Variants in COL23A1 observed in about 807,000 individuals in gnomAD.
COL23A1 encodes collagen alpha-1(XXIII) chain.
A neutral mutation model predicts 99.3 loss-of-function variants in COL23A1; 97 were observed. That is an observed-to-expected ratio of 0.98 (90% CI 0.83 to 1.16). The LOEUF (loss-of-function observed/expected upper bound fraction) is 1.16, where lower values mean the gene tolerates loss of function less well. Ranked by LOEUF, COL23A1 falls within the 50% of genes most tolerant of loss-of-function variation. The pLI, the probability that COL23A1 is intolerant of heterozygous loss-of-function variation, is 0.00. For synonymous variants in COL23A1, 320 were observed against 308.2 expected, an observed-to-expected ratio of 1.04 and a Z score of -0.40; for missense variants, 762 against 757.4, an observed-to-expected ratio of 1.01 and a Z score of -0.07.
In COL23A1 at chr5:178,357,992, G is replaced by A. The variant is rs1420150101; in HGVS notation, c.362-51073C>T. On this transcript the variant is annotated intron_variant, in intron 2 of 28. Coordinates refer to ENST00000390654, the MANE Select transcript of COL23A1 (RefSeq NM_173465.4). ...TGTATGTGTATATATGTGTGTATGCGTGTGTGTATATGTATGTGTGTGTAT... is the reference window on the plus strand; with the variant it reads ...TGTATGTGTATATATGTGTGTATGCATGTGTGTATATGTATGTGTGTGTAT... Among the ~76,000 whole-genome samples the A allele has an allele frequency of 4.7e-5, 7 of 148,748 alleles. 1 individual carries two copies. Among genetic ancestry groups the A allele is most frequent in the Admixed American group, 2.7e-4 (4 of 15,022 alleles).
At chr5:178,372,196 G>A (rs529249239) in intron 2 of COL23A1, among the ~76,000 whole-genome samples, 103 of 152,360 alleles carry the variant, frequency 6.8e-4, no homozygotes, top group Admixed American at 1.4e-3. Context: ...CAGGGGGCTG[G>A]CAGACAGCGG....
At chr5:178,518,466 G>A (rs1191855954) in intron 2 of COL23A1, among the ~76,000 whole-genome samples, 7 of 150,566 alleles carry the variant, frequency 4.6e-5, no homozygotes, top group East Asian at 4.0e-4. Flanking sequence ...CTTCCCAGTA[G>A]GGGCGGCCGG....
chr5:178,325,077 C>A (rs1306141637), intron 2 of COL23A1, among the ~76,000 whole-genome samples: 1 of 152,220 alleles, frequency 6.6e-6, no homozygotes, highest in Non-Finnish European at 1.5e-5. Flanking sequence ...CTGAGTGACC[C>A]GCTCAAAGTC....
chr5:178,492,937 G>C lies in COL23A1; in HGVS notation c.361+67745C>G, dbSNP rs113037582. On this transcript the variant is annotated intron_variant, in intron 2 of 28. Transcript: ENST00000390654. ...GGTAATGACAGCACTTACCTCACAG[G>C]GTATGGAAAGGACTAAATGACTTCA... Among the ~76,000 whole-genome samples, 220 of 152,218 alleles carry C rather than the reference G, an allele frequency of 1.4e-3. 1 individual carries two copies. Among genetic ancestry groups the C allele is most frequent in the African/African-American group, 5.0e-3 (208 of 41,544 alleles).
chr5:178,504,502 C>T (rs1017254973), intron 2 of COL23A1, among the ~76,000 whole-genome samples: 1 of 152,138 alleles, frequency 6.6e-6, no homozygotes, highest in Non-Finnish European at 1.5e-5. Flanking sequence ...AGGGCTGCGT[C>T]CTAGCCAGAG....
chr5:178,283,405 G>A lies in COL23A1; in HGVS notation c.441+4919C>T, dbSNP rs114475299. Among the ~76,000 whole-genome samples the A allele has an allele frequency of 4.1e-3, 626 of 152,110 alleles. 5 individuals carry two copies. Among genetic ancestry groups the A allele is most frequent in the African/African-American group, 0.015 (602 of 41,496 alleles). Reference sequence around the variant, plus strand: ...CTGTGCACTTGCTTTTTCCTCTGCCGGGATCTCCCCCAAGATCTCTGCAGC... The same window carrying A: ...CTGTGCACTTGCTTTTTCCTCTGCCAGGATCTCCCCCAAGATCTCTGCAGC... On this transcript the variant is annotated intron_variant, in intron 5 of 28. Transcript: ENST00000390654.
At chr5:178,557,694 CTA>C (rs975939691) in intron 2 of COL23A1, among the ~76,000 whole-genome samples, 2 of 152,176 alleles carry the variant, frequency 1.3e-5, no homozygotes, top group Admixed American at 6.5e-5. Context: ...AGAATGTGGT[CTA>C]TGTCTCCACA....
chr5:178,537,453 C>A (rs17591066), intron 2 of COL23A1, among the ~76,000 whole-genome samples: 2,028 of 152,354 alleles, frequency 0.013, 20 homozygotes, highest in Non-Finnish European at 0.02. Context: ...GGTCATAGAA[C>A]TAGTACCGAG....
At chr5:178,298,871 TTTAAAATAAAGAAAAC>T (rs1757887900) in intron 3 of COL23A1, among the ~76,000 whole-genome samples, 1 of 152,240 alleles carries the variant, frequency 6.6e-6, no homozygotes, top group Non-Finnish European at 1.5e-5. Flanking sequence ...GAGTCAGTTT[TTTAAAATAAAGAAAAC>T]TTGTGGATTT....
chr5:178,292,893 T>C (rs1405377634), intron 3 of COL23A1, among the ~76,000 whole-genome samples: 2 of 152,048 alleles, frequency 1.3e-5, no homozygotes, highest in Non-Finnish European at 2.9e-5. Context: ...GGAAGCAAAG[T>C]AGAGAAAGTG....
At chr5:178,249,716 A>ACACACACACACTCACTCTCTCTCT in intron 18 of COL23A1, among the ~76,000 whole-genome samples, 127 of 92,790 alleles carry the variant, frequency 1.4e-3, no homozygotes, top group Middle Eastern at 9.8e-3. Flanking sequence ...ACACACACAC[A>ACACACACACACTCACTCTCTCTCT]CTCTCTCTCT....
chr5:178,424,917 C>T (rs1002630993), intron 2 of COL23A1, among the ~76,000 whole-genome samples: 1 of 152,156 alleles, frequency 6.6e-6, no homozygotes, highest in Non-Finnish European at 1.5e-5. Context: ...GGAGAAAACC[C>T]AAGAGGGGTC....
intron 2 of COL23A1, among the ~76,000 whole-genome samples, chr5:178,432,921 C>A (rs1043548738): frequency 1.3e-5 from 2 of 152,168 alleles, no homozygotes. Context: ...CTTCACCCAC[C>A]AACCAATTCT....
chr5:178,291,051 C>T (rs910785018), intron 3 of COL23A1, among the ~76,000 whole-genome samples: 2 of 152,230 alleles, frequency 1.3e-5, no homozygotes, highest in African/African-American at 2.4e-5. Context: ...CAGCTGATAA[C>T]GCAGAGGCTC....
Position 178,401,471 on chromosome 5 carries a change from ATGTGGTGTGTGTCAATAGTC to A in COL23A1, c.362-94572_362-94553del, listed in dbSNP as rs577034531. On this transcript the variant is annotated intron_variant, in intron 2 of 28. Transcript: ENST00000390654. ...GGCATAGCGCATTTGAGATCCACCC[ATGTGGTGTGTGTCAATAGTC>A]TGTTCCTGTTTATTGCTGCATAGTA... is the stretch of plus-strand genomic sequence containing the variant. 1.9e-3 allele frequency among the ~76,000 whole-genome samples: 292 copies of A among 152,314 alleles called. 1 individual carries two copies. Among genetic ancestry groups the A allele is most frequent in the African/African-American group, 6.8e-3 (281 of 41,578 alleles).
At chr5:178,239,566 G>A (rs921955852) in intron 27 of COL23A1, among the ~76,000 whole-genome samples, 1 of 146,018 alleles carries the variant, frequency 6.8e-6, no homozygotes, top group Non-Finnish European at 1.5e-5. Context: ...GGGTCCTGCC[G>A]AGAGCCGTGT....
intron 2 of COL23A1, among the ~76,000 whole-genome samples, chr5:178,440,588 A>C (rs1237370500): frequency 2.6e-5 from 4 of 151,448 alleles, no homozygotes; most frequent in African/African-American, 9.7e-5. Flanking sequence ...TAAGTACCTT[A>C]TTTCATGAGA....
Position 178,510,613 on chromosome 5 carries a change from C to T in COL23A1, c.361+50069G>A, listed in dbSNP as rs182305029. On this transcript the variant is annotated intron_variant, in intron 2 of 28. Transcript: ENST00000390654. ...AGCACACCAGCATGGCACATGTATA[C>T]GTATGTAACTAACCTGCACATTGTG... Among the ~76,000 whole-genome samples, 51 of 151,898 alleles carry T rather than the reference C, an allele frequency of 3.4e-4. 1 individual carries two copies. In the East Asian group the frequency reaches 8.9e-3, roughly 26 times the overall value.
intron 27 of COL23A1, among the ~76,000 whole-genome samples, chr5:178,240,668 A>G (rs1023254334): frequency 1.3e-5 from 2 of 152,210 alleles, no homozygotes; most frequent in Non-Finnish European, 2.9e-5. Flanking sequence ...TCGCTCTTCA[A>G]GTCCTTTTCT....
Sources: allele counts gnomAD v4.1 joint callset (sites outside exome capture counted in the v4.1 genomes callset), GRCh38; gene constraint gnomAD v4.1.1; transcripts MANE v1.5; gene names NCBI Gene and HGNC (gene_info 2026-07-23, HGNC 2026-07-21).